NIN: variants seen among roughly 807,000 people sequenced by gnomAD.
NIN encodes the protein glycogen synthase kinase 3 beta-interacting protein.
A neutral mutation model predicts 257.6 loss-of-function variants in NIN; 137 were observed. The ratio of observed to expected loss-of-function variants is 0.53; its 90% CI spans 0.46 to 0.61. The LOEUF (loss-of-function observed/expected upper bound fraction) is 0.61. Ranked by LOEUF, NIN falls within the 20% of genes least tolerant of loss-of-function variation. The pLI is 0.00. For synonymous variants in NIN, 918 were observed against 919.8 expected (o/e 1.00, Z 0.04); for missense variants, 2,439 against 2,501.2 (o/e 0.98, Z 0.53).
rs1208043379 is a variant in NIN at position 50,758,470 on chromosome 14, C to G, written c.2560G>C (p.Glu854Gln). ...LKDLQEQQRE[E>Q]KSQWEFEKDE... ...TTCTCAAATTCCCACTGGGATTTCT[C>G]CTCACGCTGCTGTTCCTGGAGGTCC... is the stretch of plus-strand genomic sequence containing the variant. Residue 854 changes from glutamate to glutamine, a missense_variant, in exon 18 of 31, where the codon GAG (glutamate) becomes CAG (glutamine). By Grantham distance (29) the Glu-to-Gln change is conservative. Transcript: ENST00000530997. 2.5e-6 allele frequency: 4 copies of G among 1,614,232 alleles called. No homozygotes were observed. The South Asian group carries it at 4.4e-5, about 18-fold the overall frequency.
intron 21 of NIN, 76 bp from the exon 22 acceptor site, chr14:50,748,181 C>T: frequency 1.1e-6 from 1 of 893,960 alleles, no homozygotes; most frequent in Non-Finnish European, 1.8e-6. Flanking sequence ...TCATAAAAGG[C>T]CATATTAAGG....
intron 5 of NIN, 28 bp from the exon 6 acceptor site, chr14:50,778,832 G>T (rs751434766): frequency 1.6e-5 from 25 of 1,612,076 alleles, no homozygotes; most frequent in Non-Finnish European, 2.1e-5. Flanking sequence ...AGATTAGTGT[G>T]CTTTAGAACT....
At chr14:50,809,103 C>A (rs1320984854) in intron 3 of NIN, among the ~76,000 whole-genome samples, 6 of 152,140 alleles carry the variant, frequency 3.9e-5, no homozygotes, top group African/African-American at 1.4e-4. Context: ...CACCTGTAAT[C>A]TAAGCTACTT....
chr14:50,759,246 T>C lies in NIN; in HGVS notation c.2399+611A>G, dbSNP rs1452948391. 2.0e-5 allele frequency among the ~76,000 whole-genome samples: 3 copies of C among 152,150 alleles called. 1 individual carries two copies. On this transcript the variant is annotated intron_variant, in intron 17 of 30. Transcript: ENST00000530997. ...TAGCTTTTCTCAGAAAGCAACAGGA[T>C]TGAACTAGGAAGGAACCACTTTTGG... is the stretch of plus-strand genomic sequence containing the variant.
intron 7 of NIN, 101 bp downstream of exon 7, chr14:50,776,848 G>C: frequency 2.9e-6 from 3 of 1,032,848 alleles, no homozygotes; most frequent in Non-Finnish European, 4.2e-6. Context: ...AGAAAATGGA[G>C]CCTAACAAGC....
chr14:50,808,123 A>G (rs886308294), intron 3 of NIN, among the ~76,000 whole-genome samples: 8 of 152,250 alleles, frequency 5.3e-5, no homozygotes, highest in African/African-American at 1.9e-4. Context: ...CCAGAGCAGA[A>G]GTCTGTCAAG....
chr14:50,780,984 T>G lies in NIN; in HGVS notation c.436-2180A>C, dbSNP rs182792745. ...GTCAACAGTCCTTCATAAATTTTCT[T>G]ACATTCTCATTTCTGGTCAGAATTG... On this transcript the variant is annotated intron_variant, in intron 5 of 30. Coordinates refer to ENST00000530997, the MANE Select transcript of NIN (RefSeq NM_020921.4). Among the ~76,000 whole-genome samples the G allele has an allele frequency of 1.8e-4, 27 of 152,312 alleles. No homozygotes were observed. The East Asian group carries it at 4.4e-3, about 25-fold the overall frequency.
chr14:50,818,014 C>T (rs1012345193), intron 3 of NIN, among the ~76,000 whole-genome samples: 2 of 150,572 alleles, frequency 1.3e-5, no homozygotes, highest in African/African-American at 2.4e-5. Context: ...CCGTGCCTGG[C>T]CAAGAATGCA....
rs758668142 is a variant in NIN at position 50,758,225 on chromosome 14, G to A, written c.2805C>T (p.Asp935=). The A allele has an allele frequency of 3.1e-6, 5 of 1,614,178 alleles. No homozygotes were observed. The highest frequency in any genetic ancestry group is 8.5e-7 in the Non-Finnish European group (1 of 1,180,026). ...VSETQQSLLS[D]QILELKSSHK... is the part of the protein sequence containing the mutation. Reference sequence around the variant, plus strand: ...GACTGCTCTTCAGCTCAAGTATCTGGTCAGACAGCAGGCTTTGCTGGGTTT... The same window carrying A: ...GACTGCTCTTCAGCTCAAGTATCTGATCAGACAGCAGGCTTTGCTGGGTTT... Residue 935 remains aspartate, a synonymous_variant, in exon 18 of 31, where the codon GAC becomes GAT. Coordinates refer to ENST00000530997, the MANE Select transcript of NIN (RefSeq NM_020921.4).
chr14:50,749,297 T>C (rs4898670), intron 21 of NIN, among the ~76,000 whole-genome samples: 23,486 of 152,164 alleles, frequency 0.15, 1,987 homozygotes, highest in African/African-American at 0.22. Context: ...TTATACTTTA[T>C]ACAAAAATTA....
chr14:50,766,748 C>T (rs1595816851), intron 13 of NIN, 32 bp downstream of exon 13: 1 of 1,434,586 alleles, frequency 7.0e-7, no homozygotes, highest in Non-Finnish European at 9.8e-7. Flanking sequence ...AAGTAGGCTG[C>T]CTATCAGGAA....
At chr14:50,772,029 C>T (rs2042757048) in intron 9 of NIN, 2 of 299,904 alleles carry the variant, frequency 6.7e-6, no homozygotes, top group Non-Finnish European at 1.2e-5. Flanking sequence ...AACACAACAA[C>T]AACAACAACA....
chr14:50,778,678 G>T, intron 6 of NIN, 87 bp downstream of exon 6: 1 of 1,133,688 alleles, frequency 8.8e-7, no homozygotes, highest in Non-Finnish European at 1.3e-6. Flanking sequence ...CCCCTGGCCT[G>T]CAGCATAAGA....
chr14:50,808,958 C>T (rs1365085297), intron 3 of NIN, among the ~76,000 whole-genome samples: 6 of 152,180 alleles, frequency 3.9e-5, no homozygotes, highest in Non-Finnish European at 7.4e-5. Context: ...CAGTGGCTCA[C>T]GCCTGTAATC....
rs17122880 is a variant in NIN at position 50,770,720 on chromosome 14, C to T, written c.1259+132G>A. 0.067 allele frequency: 88,814 copies of T among 1,334,618 alleles called. 6,231 individuals are homozygous for T. The highest frequency in any genetic ancestry group is 0.36 in the African/African-American group (24,182 of 68,042). The allele number at this position is 1,334,618 out of a possible 1,614,324, so 82.7% of individuals were successfully genotyped here. On this transcript the variant is annotated intron_variant, in intron 11 of 30. Coordinates refer to ENST00000530997, the MANE Select transcript of NIN (RefSeq NM_020921.4). The stretch of plus-strand genomic sequence containing the variant: ...CCTTAGGGCTTGACCACATCTGAGT[C>T]ACTCCAGCAAGGTGTGGCCAACAGG...
intron 5 of NIN, among the ~76,000 whole-genome samples, chr14:50,788,149 G>A (rs1338844736): frequency 6.6e-6 from 1 of 152,106 alleles, no homozygotes; most frequent in Non-Finnish European, 1.5e-5. Flanking sequence ...AGTAAAATAT[G>A]ATCAAAAGCA....
At chr14:50,782,452 T>C (rs1288512054) in intron 5 of NIN, among the ~76,000 whole-genome samples, 1 of 152,140 alleles carries the variant, frequency 6.6e-6, no homozygotes, top group Non-Finnish European at 1.5e-5. Flanking sequence ...TAAAAAACCA[T>C]GTAGGAACGT....
chr14:50,825,969 G>A (rs1002460918), intron 2 of NIN, among the ~76,000 whole-genome samples: 2 of 152,140 alleles, frequency 1.3e-5, no homozygotes, highest in Admixed American at 1.3e-4. Flanking sequence ...GGGATTTAGG[G>A]CATGAAAGAA....
Position 50,754,818 on chromosome 14 carries a change from T to C in NIN, c.4588A>G (p.Ile1530Val). 3.2e-6 allele frequency: 5 copies of C among 1,584,106 alleles called. No individual in the cohort carries two copies. The highest frequency in any genetic ancestry group is 4.3e-6 in the Non-Finnish European group (5 of 1,166,588). The change falls in exon 19 of 31, where the codon ATT becomes GTT. Residue 1530 changes from isoleucine (I) to valine (V), a missense_variant. By Grantham distance (29) the Ile-to-Val change is conservative. Transcript: ENST00000530997. Reference sequence around the variant, plus strand: ...CTATCTTCTTCATTTAAAGTAGTAATTTCATTTCTCAAAATAGAATTTTCC... The same window carrying C: ...CTATCTTCTTCATTTAAAGTAGTAACTTCATTTCTCAAAATAGAATTTTCC... ...QQENSILRNE[I>V]TTLNEEDSIS...
Sources: gnomAD v4.1 joint callset for allele counts (sites outside exome capture counted in the v4.1 genomes callset) on GRCh38, gnomAD v4.1.1 for gene constraint, MANE v1.5 for transcripts, NCBI Gene and HGNC (gene_info 2026-07-23, HGNC 2026-07-21) for gene names.